KIF13A: variants seen among roughly 807,000 people sequenced by gnomAD.
KIF13A encodes the protein kinesin family member 13A, also known as kinesin-like protein KIF13A.
In KIF13A, 79 loss-of-function variants were observed where a neutral mutation model predicts 212.2. That is an observed-to-expected ratio of 0.37 (90% CI 0.31 to 0.45). The LOEUF (loss-of-function observed/expected upper bound fraction) is 0.45, where lower values mean the gene tolerates loss of function less well. Among genes scored for constraint, KIF13A ranks in the 20% least tolerant of loss-of-function variants. The pLI, the probability that KIF13A is intolerant of heterozygous loss-of-function variation, is 1.00. For missense variants in KIF13A, 1,901 were observed against 2,209.0 expected (o/e 0.86, Z 2.79); for synonymous variants, 789 against 808.6 (o/e 0.98, Z 0.41).
intron 32 of KIF13A, 89 bp from the exon 33 acceptor site, chr6:17,779,188 G>T (rs1410278170): frequency 2.1e-6 from 2 of 944,766 alleles, no homozygotes; most frequent in African/African-American, 3.3e-5. Context: ...GAAGTCTGGA[G>T]AATGAACACA....
chr6:17,951,152 C>T lies in KIF13A; in HGVS notation c.146+35902G>A. 8.1e-7 allele frequency: 1 copy of T among 1,228,920 alleles called. No individual in the cohort carries two copies. Among genetic ancestry groups the T allele is most frequent in the Non-Finnish European group, 1.0e-6 (1 of 984,946 alleles). The allele number at this position is 1,228,920 out of a possible 1,614,324, so 76.1% of individuals were successfully genotyped here. A position where few individuals can be genotyped will look rare whatever the true frequency, so the allele number is the denominator to read the frequency against. ...GTCTGATGCAATTCACCTCACGCCA[C>T]TTTAATTTTTTATTTTTTTGAAGAC... On this transcript the variant is annotated intron_variant, in intron 2 of 38. Transcript: ENST00000259711. This position sits in a 1 kb window ranked among gnomAD's most constrained non-coding sequence, Gnocchi z 4.9.
intron 23 of KIF13A, among the ~76,000 whole-genome samples, chr6:17,796,181 C>CT (rs34144276): frequency 0.026 from 3,698 of 141,398 alleles, 64 homozygotes; most frequent in Non-Finnish European, 0.042. Flanking sequence ...AGCCTGTATT[C>CT]TTTTTTTTTT....
rs776316359 is a variant in KIF13A at position 17,783,601 on chromosome 6, C to G, written c.3544+45G>C. 8 of 1,226,766 alleles carry G rather than the reference C, an allele frequency of 6.5e-6. No homozygotes were observed. In the South Asian group the frequency reaches 1.0e-4, roughly 16 times the overall value. The allele number at this position is 1,226,766 out of a possible 1,614,324, so 76.0% of individuals were successfully genotyped here. A position where few individuals can be genotyped will look rare whatever the true frequency, so the allele number is the denominator to read the frequency against. The stretch of plus-strand genomic sequence containing the variant: ...ATGTGAATCTGGATAGATTACAAAC[C>G]TTAGTTAAATACAATAATCCCTGTG... On this transcript the variant is annotated intron_variant, in intron 29 of 38. Coordinates refer to ENST00000259711, the MANE Select transcript of KIF13A (RefSeq NM_022113.6). This position sits in a 1 kb window ranked among gnomAD's most constrained non-coding sequence, Gnocchi z 4.3.
chr6:17,913,809 T>C (rs1176954245), intron 2 of KIF13A, among the ~76,000 whole-genome samples: 2 of 151,998 alleles, frequency 1.3e-5, no homozygotes, highest in African/African-American at 4.8e-5. Flanking sequence ...AGACGCAAAA[T>C]GGGACAGAAA....
intron 2 of KIF13A, among the ~76,000 whole-genome samples, chr6:17,902,629 G>C (rs1392971518): frequency 6.6e-6 from 1 of 152,082 alleles, no homozygotes; most frequent in African/African-American, 2.4e-5. Flanking sequence ...CACTCTTGAA[G>C]ACACAGTTCA....
Position 17,849,431 on chromosome 6 carries a change from A to G in KIF13A, c.776T>C (p.Val259Ala). The change falls in exon 9 of 39, where the codon GTA (valine) becomes GCA (alanine). Residue 259 changes from valine (V) to alanine (A), a missense_variant. Physicochemically the swap from Val to Ala is moderately conservative, Grantham distance 64 (BLOSUM62 0). Around this residue, in one of 5 missense-constraint regions of KIF13A, gnomAD observed 506 missense variants for 637.4 expected, o/e 0.79. Coordinates refer to ENST00000259711, the MANE Select transcript of KIF13A (RefSeq NM_022113.6). The surrounding 1 kb of genome is among the most constrained non-coding windows in gnomAD (Gnocchi z 5.7). Reference sequence around the variant, plus strand: ...CTCTCCTGCAGCTCCTGTTTTAGATACTCTTTCGCTACCCGCCAGGTCTAC... The same window carrying G: ...CTCTCCTGCAGCTCCTGTTTTAGATGCTCTTTCGCTACCCGCCAGGTCTAC... ...SLVDLAGSER[V>A]SKTGAAGERL... The G allele has an allele frequency of 1.2e-6, 2 of 1,613,030 alleles. No homozygotes were observed. The highest frequency in any genetic ancestry group is 1.7e-6 in the Non-Finnish European group (2 of 1,179,622).
rs111932521 is a variant in KIF13A, at chr6:17,975,556, G to C, written c.146+11498C>G. ...ATTGCAAAGACCAAAAGAAAAAAAA[G>C]CTTCCAGTACAGAACAAAACGCGAA... On this transcript the variant is annotated intron_variant, in intron 2 of 38. Coordinates refer to ENST00000259711, the MANE Select transcript of KIF13A (RefSeq NM_022113.6). 7.0e-3 allele frequency among the ~76,000 whole-genome samples: 1,071 copies of C among 152,234 alleles called. 13 individuals are homozygous for C. The highest frequency in any genetic ancestry group is 0.024 in the African/African-American group (1,004 of 41,498).
intron 17 of KIF13A, among the ~76,000 whole-genome samples, chr6:17,810,595 CTAT>C (rs1763350142): frequency 1.3e-5 from 2 of 152,170 alleles, no homozygotes; most frequent in East Asian, 1.9e-4. Flanking sequence ...CACTTTATTT[CTAT>C]TATTATATTG....
chr6:17,835,043 A>G (rs12524702), intron 11 of KIF13A, among the ~76,000 whole-genome samples: 67,975 of 151,338 alleles, frequency 0.45, 15,890 homozygotes, highest in South Asian at 0.54. Flanking sequence ...TTCACTGGGT[A>G]TAATGGCGCA....
rs1417230608 is a variant in KIF13A, at chr6:17,918,840, T to G, written c.147-20660A>C. On this transcript the variant is annotated intron_variant, in intron 2 of 38. Coordinates refer to ENST00000259711, the MANE Select transcript of KIF13A (RefSeq NM_022113.6). The surrounding 1 kb of genome is among the most constrained non-coding windows in gnomAD (Gnocchi z 4.8). ...CCTGTCACTCAGTCTCCTATCACTG[T>G]GCTTTGTTTCCTTCTCAGCACCTTT... is the stretch of plus-strand genomic sequence containing the variant. 1.3e-5 allele frequency among the ~76,000 whole-genome samples: 2 copies of G among 152,178 alleles called. No individual in the cohort carries two copies. Among genetic ancestry groups the G allele is most frequent in the Non-Finnish European group, 2.9e-5 (2 of 68,032 alleles).
Position 17,828,086 on chromosome 6 carries a change from G to A in KIF13A, c.1532+154C>T, listed in dbSNP as rs1765125881. Among the ~76,000 whole-genome samples the A allele has an allele frequency of 6.6e-6, 1 of 152,102 alleles. No individual in the cohort carries two copies. Among genetic ancestry groups the A allele is most frequent in the African/African-American group, 2.4e-5 (1 of 41,410 alleles). On this transcript the variant is annotated intron_variant, in intron 14 of 38. Transcript: ENST00000259711. This position sits in a 1 kb window ranked among gnomAD's most constrained non-coding sequence, Gnocchi z 4.3. ...ATACAAAAATAGTCACTCCTTCACA[G>A]TAATCACTCTCTACAATCAGAAAGC...
intron 20 of KIF13A, among the ~76,000 whole-genome samples, chr6:17,801,291 A>T (rs1762453437): frequency 6.6e-6 from 1 of 151,904 alleles, no homozygotes; most frequent in Non-Finnish European, 1.5e-5. Context: ...TAGGAGTTCA[A>T]GAGCAGCCTG....
At chr6:17,974,541 C>T (rs73373190) in intron 2 of KIF13A, among the ~76,000 whole-genome samples, 1,672 of 152,268 alleles carry the variant, frequency 0.011, 24 homozygotes, top group African/African-American at 0.038. Context: ...ATGTACTTTG[C>T]CCTGTTCAGA....
chr6:17,759,942 C>T (rs376326712), downstream of KIF13A: 5 of 152,012 alleles, frequency 3.3e-5, no homozygotes, highest in East Asian at 7.7e-4. Flanking sequence ...TTCCACCTGC[C>T]CAGCTGGGCT....
intron 17 of KIF13A, among the ~76,000 whole-genome samples, chr6:17,813,102 T>C (rs1373973310): frequency 5.9e-5 from 9 of 152,188 alleles, no homozygotes; most frequent in Admixed American, 5.2e-4. Flanking sequence ...CACCAGCTCA[T>C]AGTAAATGTG....
chr6:17,987,099 T>C lies in KIF13A; in HGVS notation c.101A>G (p.Gln34Arg), dbSNP rs757154920. 1 of 1,613,774 alleles carries C rather than the reference T, an allele frequency of 6.2e-7. No homozygotes were observed. Among genetic ancestry groups the C allele is most frequent in the African/African-American group, 1.3e-5 (1 of 75,068 alleles). Reference protein sequence around the residue: ...TKCVVEMEGNQTVLHPPPSNT... With the variant: ...TKCVVEMEGNRTVLHPPPSNT... The stretch of plus-strand genomic sequence containing the variant: ...AGAAGGAGGAGGGTGCAGGACCGTT[T>C]GATTCCCTTCCATCTCCACCACGCA... The change falls in exon 2 of 39, where the codon CAA (glutamine) becomes CGA (arginine). Residue 34 changes from glutamine to arginine, a missense_variant. This residue lies in a region of KIF13A where 506 missense variants were observed against 637.4 expected (regional missense o/e 0.79). Coordinates refer to ENST00000259711, the MANE Select transcript of KIF13A (RefSeq NM_022113.6). This position sits in a 1 kb window ranked among gnomAD's most constrained non-coding sequence, Gnocchi z 7.7.
At chr6:17,977,807 C>T (rs1450130234) in intron 2 of KIF13A, among the ~76,000 whole-genome samples, 1 of 152,170 alleles carries the variant, frequency 6.6e-6, no homozygotes, top group Non-Finnish European at 1.5e-5. Flanking sequence ...CACCCATTAA[C>T]TCGTCATTTA....
intron 18 of KIF13A, among the ~76,000 whole-genome samples, chr6:17,806,907 G>A (rs1037825688): frequency 4.6e-5 from 7 of 152,134 alleles, no homozygotes; most frequent in African/African-American, 1.4e-4. Context: ...AGGAAGTCAG[G>A]GACCCCAAAC....
In KIF13A at chr6:17,849,143, T is replaced by A. The variant is rs975404348; in HGVS notation, c.830+234A>T. Among the ~76,000 whole-genome samples, 3 of 152,328 alleles carry A rather than the reference T, an allele frequency of 2.0e-5. No homozygotes were observed. Among genetic ancestry groups the A allele is most frequent in the African/African-American group, 4.8e-5 (2 of 41,590 alleles). ...GTCTCAAACTCCTGACCTCAGGTGA[T>A]CTGCCCGCCTTGGCTTCCCAAAGTA... On this transcript the variant is annotated intron_variant, in intron 9 of 38. Transcript: ENST00000259711. This position sits in a 1 kb window ranked among gnomAD's most constrained non-coding sequence, Gnocchi z 5.7.
Sources: gnomAD v4.1 joint callset for allele counts (sites outside exome capture counted in the v4.1 genomes callset) on GRCh38, gnomAD v4.1.1 for gene constraint, gnomAD v4.1.1 regional missense constraint, Gnocchi (gnomAD v3.1) non-coding constraint, MANE v1.5 for transcripts, NCBI Gene and HGNC (gene_info 2026-07-23, HGNC 2026-07-21) for gene names.